The following TICRR variants were observed in gnomAD, a reference collection of about 807,000 sequenced individuals.
TICRR encodes the protein TOPBP1 interacting checkpoint and replication regulator.
In TICRR, 132 loss-of-function variants were observed where a neutral mutation model predicts 178.1. The observed-to-expected ratio is 0.74, with a 90% CI of 0.64 to 0.86. The LOEUF (loss-of-function observed/expected upper bound fraction) is 0.86, where lower values mean the gene tolerates loss of function less well. TICRR is among the 40% of genes least tolerant of loss of function. The pLI is 0.00. For synonymous variants in TICRR, 991 were observed against 900.7 expected (o/e 1.10, Z -1.79); for missense variants, 2,587 against 2,334.3 (o/e 1.11, Z -2.23).
chr15:89,603,474 A>C lies in TICRR; in HGVS notation c.2664+582A>C, dbSNP rs147514814. Among the ~76,000 whole-genome samples, 184 of 152,332 alleles carry C rather than the reference A, an allele frequency of 1.2e-3. 1 individual carries two copies. The highest frequency in any genetic ancestry group is 4.3e-3 in the African/African-American group (177 of 41,586). On this transcript the variant is annotated intron_variant, in intron 13 of 21. Transcript: ENST00000268138. The stretch of plus-strand genomic sequence containing the variant: ...GTGGCACATGCCTGTAGGCCCAGCT[A>C]TTCAGGAGTCTAAGGCAGGGAGATT...
At chr15:89,602,036 G>A in intron 12 of TICRR, 60 bp downstream of exon 12, 1 of 1,588,224 alleles carries the variant, frequency 6.3e-7, no homozygotes, top group Admixed American at 1.7e-5. Flanking sequence ...TAAAAGATGT[G>A]TTTAAACTAC....
chr15:89,626,699 A>G (rs1963534469), intron 21 of TICRR, among the ~76,000 whole-genome samples: 1 of 152,194 alleles, frequency 6.6e-6, no homozygotes, highest in East Asian at 1.9e-4. Flanking sequence ...AATACAGGAT[A>G]TTAACCTGAG....
At chr15:89,599,780 C>T (rs1328119581) in intron 8 of TICRR, among the ~76,000 whole-genome samples, 1 of 152,136 alleles carries the variant, frequency 6.6e-6, no homozygotes, top group African/African-American at 2.4e-5. Context: ...TTAACCCTGG[C>T]TATACTTTAG....
chr15:89,591,153 C>G (rs898923498), intron 4 of TICRR, among the ~76,000 whole-genome samples: 8 of 152,188 alleles, frequency 5.3e-5, no homozygotes, highest in African/African-American at 1.9e-4. Context: ...GAGACGGAGT[C>G]TCGCTCTTGT....
At position 89,624,322 on chromosome 15, in the gene TICRR, C is replaced by G. The variant is rs200081503; in HGVS notation, c.4012C>G (p.Leu1338Val). 231 of 1,614,202 alleles carry G rather than the reference C, an allele frequency of 1.4e-4. 1 individual carries two copies. The highest frequency in any genetic ancestry group is 2.1e-4 in the South Asian group (19 of 91,084). ...AATAGAGTGTCCTTCCCCAGGAGAA[C>G]TGGATCAGAAAGAGCCCCAGATGTC... Reference protein sequence around the residue: ...SKIECPSPGELDQKEPQMSPS... With the variant: ...SKIECPSPGEVDQKEPQMSPS... Residue 1338 changes from leucine to valine, a missense_variant, in exon 20 of 22, where the codon CTG becomes GTG. By Grantham distance (32) the Leu-to-Val change is conservative. Coordinates refer to ENST00000268138, the MANE Select transcript of TICRR (RefSeq NM_152259.4).
At chr15:89,594,278 A>G in intron 5 of TICRR, 137 bp from the exon 6 acceptor site, 1 of 663,870 alleles carries the variant, frequency 1.5e-6, no homozygotes, top group South Asian at 3.0e-5. Flanking sequence ...CTCCTAAGAA[A>G]ATATATTTTT....
chr15:89,576,112 G>A lies in TICRR; in HGVS notation c.526G>A (p.Ala176Thr). Residue 176 changes from alanine to threonine, a missense_variant, in exon 1 of 22, where the codon GCC (alanine) becomes ACC (threonine). Ala to Thr is a moderately conservative substitution (Grantham distance 58). Transcript: ENST00000268138. ...ELLQFVSGCE[A>T]QAQRLPPTPK... ...GCTGCAGTTCGTGTCTGGGTGCGAG[G>A]CCCAGGCCCAGCGCCTGCCGCCCAC... 1 of 1,611,096 alleles carries A rather than the reference G, an allele frequency of 6.2e-7. No individual in the cohort carries two copies. The highest frequency in any genetic ancestry group is 1.1e-5 in the South Asian group (1 of 91,074).
In TICRR at chr15:89,595,408, C is replaced by T. The variant is rs369249815; in HGVS notation, c.1697C>T (p.Thr566Ile). 1 of 1,613,838 alleles carries T rather than the reference C, an allele frequency of 6.2e-7. No individual in the cohort carries two copies. The highest frequency in any genetic ancestry group is 8.5e-7 in the Non-Finnish European group (1 of 1,179,954). ...GTTTTGGTAGGAGGGGTCCCTCGTA[C>T]TCCAGTGAGACAGAAGATGAATACC... Reference protein sequence around the residue: ...DSKKKRGVPRTPVRQKMNTMC... With the variant: ...DSKKKRGVPRIPVRQKMNTMC... The change falls in exon 7 of 22, where the codon ACT (threonine) becomes ATT (isoleucine). Residue 566 changes from threonine to isoleucine, a missense_variant. Thr to Ile is a moderately conservative substitution (Grantham distance 89, BLOSUM62 -1). Coordinates refer to ENST00000268138, the MANE Select transcript of TICRR (RefSeq NM_152259.4).
intron 12 of TICRR, among the ~76,000 whole-genome samples, chr15:89,602,260 A>G (rs540014044): frequency 6.6e-6 from 1 of 152,324 alleles, no homozygotes; most frequent in South Asian, 2.1e-4. Context: ...GAGTGTGCCT[A>G]CCAAAACCTA....
chr15:89,609,635 C>T (rs751689725), intron 15 of TICRR, among the ~76,000 whole-genome samples: 39 of 151,874 alleles, frequency 2.6e-4, no homozygotes, highest in Non-Finnish European at 1.5e-4. Flanking sequence ...CCACCACACC[C>T]GGCTAATTTT....
At chr15:89,582,987 GT>G (rs76779258) in intron 2 of TICRR, 22 bp downstream of exon 2, 68,136 of 1,055,234 alleles carry the variant, frequency 0.065, 1 homozygote, top group South Asian at 0.097. Context: ...ATATTTTAAG[GT>G]TTTTTTTTTT....
intron 6 of TICRR, among the ~76,000 whole-genome samples, chr15:89,595,124 T>C (rs1018624988): frequency 1.3e-5 from 2 of 152,226 alleles, no homozygotes; most frequent in East Asian, 3.8e-4. Flanking sequence ...CTGTTTGGCA[T>C]TTGCCTTATG....
rs529059344 is a variant in TICRR at position 89,600,627 on chromosome 15, A to G, written c.2095A>G (p.Ser699Gly). 7 of 1,599,844 alleles carry G rather than the reference A, an allele frequency of 4.4e-6. No individual in the cohort carries two copies. The South Asian group carries it at 8.0e-5, about 18-fold the overall frequency. ...AGTAAAAAGTAGTCTCTTAAAAACT[A>G]GTAAAAGTCTTCGACAGAATCTAGG... ...NQVKSSLLKT[S>G]KSLRQNLGKK... is the part of the protein sequence containing the mutation. The change falls in exon 9 of 22, where the codon AGT becomes GGT. Residue 699 changes from serine (S) to glycine (G), a missense_variant. Ser to Gly is a moderately conservative substitution (Grantham distance 56, BLOSUM62 0). Transcript: ENST00000268138.
intron 3 of TICRR, among the ~76,000 whole-genome samples, chr15:89,584,888 C>T (rs1962793226): frequency 6.6e-6 from 1 of 152,092 alleles, no homozygotes; most frequent in African/African-American, 2.4e-5. Context: ...AAAGCTGCTA[C>T]ACAGTAAAAT....
chr15:89,596,405 G>C (rs912703934), intron 7 of TICRR, among the ~76,000 whole-genome samples: 2 of 152,078 alleles, frequency 1.3e-5, no homozygotes, highest in African/African-American at 4.8e-5. Flanking sequence ...GGAGTGCACT[G>C]GCATGATCTT....
intron 19 of TICRR, among the ~76,000 whole-genome samples, chr15:89,622,538 T>A (rs1425954094): frequency 1.3e-5 from 2 of 152,176 alleles, no homozygotes; most frequent in Non-Finnish European, 2.9e-5. Flanking sequence ...GGTTCAAAAA[T>A]AATCACCTTT....
rs372646397 is a variant in TICRR at position 89,582,919 on chromosome 15, G to C, written c.888G>C (p.Glu296Asp). Residue 296 changes from glutamate (E) to aspartate (D), a missense_variant, in exon 2 of 22, where the codon GAG becomes GAC. By Grantham distance (45) the Glu-to-Asp change is conservative. Transcript: ENST00000268138. The stretch of plus-strand genomic sequence containing the variant: ...TGCTCTACAATTCTCCTGAGTATGA[G>C]GCCTCGTTTCCACGAATGGAAGGAA... ...NRLLYNSPEY[E>D]ASFPRMEGML... 6.2e-7 allele frequency: 1 copy of C among 1,613,896 alleles called. No homozygotes were observed. Among genetic ancestry groups the C allele is most frequent in the African/African-American group, 1.3e-5 (1 of 74,870 alleles).
chr15:89,622,915 C>T (rs1468592721), intron 19 of TICRR, among the ~76,000 whole-genome samples: 1 of 152,200 alleles, frequency 6.6e-6, no homozygotes, highest in Non-Finnish European at 1.5e-5. Flanking sequence ...TGATGCCCCT[C>T]GCATGTCCCT....
At chr15:89,591,612 C>T (rs1047919235) in intron 4 of TICRR, 7 of 152,174 alleles carry the variant, frequency 4.6e-5, no homozygotes, top group African/African-American at 1.7e-4. Context: ...GTCTGTAATC[C>T]CAGCTACTCA....
Sources: allele counts gnomAD v4.1 joint callset (sites outside exome capture counted in the v4.1 genomes callset), GRCh38; gene constraint gnomAD v4.1.1; transcripts MANE v1.5; gene names NCBI Gene and HGNC (gene_info 2026-07-23, HGNC 2026-07-21).